ECHDC2: variants seen among roughly 807,000 people sequenced by gnomAD.
The protein encoded by ECHDC2 is enoyl-CoA hydratase domain containing 2.
ECHDC2 carries 34 observed loss-of-function variants against 40.6 expected under a neutral mutation model. That is an observed-to-expected ratio of 0.84 (90% CI 0.64 to 1.11). The LOEUF is 1.11. Ranked by LOEUF, ECHDC2 falls within the 50% of genes most tolerant of loss-of-function variation. The pLI, the probability that ECHDC2 is intolerant of heterozygous loss-of-function variation, is 0.00. For missense variants in ECHDC2, 392 were observed against 400.7 expected (o/e 0.98, Z 0.19); for synonymous variants, 162 against 166.6 (o/e 0.97, Z 0.21).
intron 3 of ECHDC2, among the ~76,000 whole-genome samples, chr1:52,909,549 A>C (rs1027456174): frequency 6.6e-6 from 1 of 151,544 alleles, no homozygotes; most frequent in Non-Finnish European, 1.5e-5. Flanking sequence ...AACACCACAC[A>C]AAAAAATCTT....
intron 1 of ECHDC2, chr1:52,915,164 A>C: frequency 2.2e-6 from 1 of 454,914 alleles, no homozygotes; most frequent in South Asian, 1.6e-5. Flanking sequence ...TTCTCCTCCT[A>C]CGAAAAATCA....
chr1:52,897,602 G>C, intron 8 of ECHDC2, 118 bp from the exon 9 acceptor site: 1 of 966,746 alleles, frequency 1.0e-6, no homozygotes. Context: ...CTATGAGAAG[G>C]AATTTCCCTC....
chr1:52,914,281 A>T lies in ECHDC2; in HGVS notation c.122-2491T>A, dbSNP rs534034769. Among the ~76,000 whole-genome samples, 1 of 152,176 alleles carries T rather than the reference A, an allele frequency of 6.6e-6. No individual in the cohort carries two copies. The highest frequency in any genetic ancestry group is 1.5e-5 in the Non-Finnish European group (1 of 68,028). ...ACAGGAGAGTAGGAATTGGCCAGGC[A>T]AAAGATGTAAGAGTGCATGTGTGCA... On this transcript the variant is annotated intron_variant, in intron 1 of 9. Coordinates refer to ENST00000371522, the MANE Select transcript of ECHDC2 (RefSeq NM_001198961.2). This position sits in a 1 kb window ranked among gnomAD's most constrained non-coding sequence, Gnocchi z 4.0.
rs1647086840 is a variant in ECHDC2, at chr1:52,903,040, ACCCAACC to A, written c.702+1599_702+1605del. Among the ~76,000 whole-genome samples the A allele has an allele frequency of 3.9e-5, 6 of 152,250 alleles. No homozygotes were observed. The South Asian group carries it at 1.2e-3, about 32-fold the overall frequency. ...TTTATGGAAATTTGGGATCTCCTGT[ACCCAACC>A]CCCTGTATCCTGGGCCCCCTGAGAG... On this transcript the variant is annotated intron_variant, in intron 7 of 9. Transcript: ENST00000371522.
intron 5 of ECHDC2, chr1:52,906,061 A>T (rs1647721258): frequency 3.0e-6 from 1 of 331,330 alleles, no homozygotes; most frequent in Admixed American, 4.2e-5. Context: ...CCATTCTTCA[A>T]ACAAAGCTCA....
rs869088329 is a variant in ECHDC2 at position 52,910,352 on chromosome 1, G to GTTTTTT, written c.277+1208_277+1213dup. ...GTTACTTATATTTCACCACAATTTC[G>GTTTTTT]TTTTTTTTTTTTTTTTTTTTTTTTT... is the stretch of plus-strand genomic sequence containing the variant. On this transcript the variant is annotated intron_variant, in intron 3 of 9. Coordinates refer to ENST00000371522, the MANE Select transcript of ECHDC2 (RefSeq NM_001198961.2). 7.0e-3 allele frequency among the ~76,000 whole-genome samples: 224 copies of GTTTTTT among 32,102 alleles called. 66 individuals are homozygous for GTTTTTT. Among genetic ancestry groups the GTTTTTT allele is most frequent in the East Asian group, 0.021 (25 of 1,176 alleles). 21.1% of individuals were successfully genotyped at this position (32,102 alleles called of 152,430 possible).
rs1472980019 is a variant in ECHDC2, at chr1:52,904,656, A to G, written c.692T>C (p.Ile231Thr). ...GAGCTGTCACCACACCTGGGGCAGG[A>G]TCTCCTGGGCCAGTGCTCGTGCCCG... ...YQRARALAQE[I>T]LPQAPIAVRL... The change falls in exon 7 of 10, where the codon ATC becomes ACC. Residue 231 changes from isoleucine (I) to threonine (T), a missense_variant. Physicochemically the swap from Ile to Thr is moderately conservative, Grantham distance 89. Transcript: ENST00000371522. 5 of 1,594,410 alleles carry G rather than the reference A, an allele frequency of 3.1e-6. No individual in the cohort carries two copies. In the African/African-American group the frequency reaches 6.7e-5, roughly 21 times the overall value.
intron 3 of ECHDC2, among the ~76,000 whole-genome samples, chr1:52,908,826 A>T (rs1172244301): frequency 3.4e-5 from 5 of 145,768 alleles, no homozygotes; most frequent in Non-Finnish European, 7.5e-5. Context: ...CCCAGCTACT[A>T]GGGAGGTTGA....
chr1:52,908,237 C>T (rs770081506), intron 3 of ECHDC2, among the ~76,000 whole-genome samples: 4 of 152,184 alleles, frequency 2.6e-5, no homozygotes, highest in Admixed American at 6.5e-5. Flanking sequence ...TGGCTGGGTG[C>T]AGTGGCTCAC....
chr1:52,902,514 C>A (rs1647050862), intron 7 of ECHDC2, among the ~76,000 whole-genome samples: 1 of 151,754 alleles, frequency 6.6e-6, no homozygotes, highest in East Asian at 1.9e-4. Context: ...GGTCTAGAAC[C>A]CCTGGTCTCA....
intron 7 of ECHDC2, chr1:52,900,777 T>C (rs749297024): frequency 6.6e-6 from 1 of 152,240 alleles, no homozygotes; most frequent in African/African-American, 2.4e-5. Context: ...TCATCTTGCC[T>C]TTGATTTTTA....
chr1:52,896,526 G>A lies in ECHDC2; in HGVS notation c.873C>T (p.Gly291=). 1 of 1,613,880 alleles carries A rather than the reference G, an allele frequency of 6.2e-7. No individual in the cohort carries two copies. The highest frequency in any genetic ancestry group is 8.5e-7 in the Non-Finnish European group (1 of 1,179,760). The part of the protein sequence containing the change: ...FREKRTPKFV[G]K The stretch of plus-strand genomic sequence containing the variant: ...CTGAAGGTTAAAATGGGGGTCATTT[G>A]CCAACAAATTTGGGAGTCCGCTTCT... Residue 291 remains glycine, a synonymous_variant, in exon 10 of 10, where the codon GGC becomes GGT. Transcript: ENST00000371522.
At chr1:52,920,816 G>T (rs1188498234) in intron 1 of ECHDC2, among the ~76,000 whole-genome samples, 1 of 151,738 alleles carries the variant, frequency 6.6e-6, no homozygotes, top group African/African-American at 2.4e-5. Context: ...CAGGAGACAG[G>T]GGATGAGATG....
At chr1:52,904,560 G>A (rs1647245948) in intron 7 of ECHDC2, 86 bp downstream of exon 7, 2 of 1,217,718 alleles carry the variant, frequency 1.6e-6, no homozygotes, top group Non-Finnish European at 2.2e-6. Context: ...TGGGAGAATG[G>A]ATGTGCAGCC....
chr1:52,905,033 C>T lies in ECHDC2; in HGVS notation c.514+1G>A. The T allele has an allele frequency of 1.2e-6, 2 of 1,614,188 alleles. No individual in the cohort carries two copies. Among genetic ancestry groups the T allele is most frequent in the Non-Finnish European group, 8.5e-7 (1 of 1,180,016 alleles). On this transcript the variant is annotated splice_donor_variant, in intron 6 of 9. Coordinates refer to ENST00000371522, the MANE Select transcript of ECHDC2 (RefSeq NM_001198961.2). LOFTEE classifies it high-confidence loss of function. The stretch of plus-strand genomic sequence containing the variant: ...TGGGCGGGTGCTGTAGTTGCGATTA[C>T]CTGCCCCCGGGAGGAGCCCTCGCGT...
intron 3 of ECHDC2, among the ~76,000 whole-genome samples, chr1:52,910,378 T>G (rs1649155056): frequency 8.2e-6 from 1 of 122,072 alleles, no homozygotes; most frequent in African/African-American, 3.1e-5. Context: ...TTTTTTTTTT[T>G]TTTTTTTTGA....
intron 5 of ECHDC2, 121 bp downstream of exon 5, chr1:52,906,398 T>TA: frequency 1.2e-6 from 1 of 860,520 alleles, no homozygotes; most frequent in Non-Finnish European, 1.9e-6. Context: ...TGCCTTGCCT[T>TA]AGTTTTGCTT....
chr1:52,896,807 A>G, intron 9 of ECHDC2: 1 of 556,488 alleles, frequency 1.8e-6, no homozygotes, highest in East Asian at 2.9e-5. Context: ...TCTGTGCCCC[A>G]TCAGCATTAG....
intron 5 of ECHDC2, 177 bp from the exon 6 acceptor site, chr1:52,905,267 G>A (rs1039375190): frequency 6.3e-6 from 4 of 636,826 alleles, no homozygotes; most frequent in African/African-American, 5.5e-5. Flanking sequence ...CAGAAGTCAG[G>A]AGCCCAGGCC....
Sources: allele counts gnomAD v4.1 joint callset (sites outside exome capture counted in the v4.1 genomes callset), GRCh38; gene constraint gnomAD v4.1.1; non-coding constraint Gnocchi (gnomAD v3.1); transcripts MANE v1.5; gene names NCBI Gene and HGNC (gene_info 2026-07-23, HGNC 2026-07-21).